The following DMXL1 variants were observed in gnomAD, a reference collection of about 807,000 sequenced individuals.
DMXL1 encodes Dmx like 1, also known as dmX-like protein 1.
A neutral mutation model predicts 319.2 loss-of-function variants in DMXL1; 99 were observed. The observed-to-expected ratio is 0.31, with a 90% confidence interval of 0.26 to 0.37. DMXL1 has a LOEUF of 0.37. DMXL1 is among the 10% of genes least tolerant of loss of function. The probability of loss-of-function intolerance (pLI) is 1.00; values close to 1 mark genes in which losing one functional copy is unlikely to be tolerated. For synonymous variants in DMXL1, 1,385 were observed against 1,235.2 expected, an observed-to-expected ratio of 1.12 and a Z score of -2.54; for missense variants, 3,745 against 3,595.6, an observed-to-expected ratio of 1.04 and a Z score of -1.06.
At chr5:119,189,464 C>A (rs1306526083) in intron 28 of DMXL1, among the ~76,000 whole-genome samples, 1 of 152,148 alleles carries the variant, frequency 6.6e-6, no homozygotes, top group Non-Finnish European at 1.5e-5. Context: ...CTATTTTTCA[C>A]ATACAATAGG....
chr5:119,095,057 G>C (rs1312738468), intron 1 of DMXL1, among the ~76,000 whole-genome samples: 1 of 151,972 alleles, frequency 6.6e-6, no homozygotes, highest in Non-Finnish European at 1.5e-5. Flanking sequence ...GTTTTGCCAT[G>C]TTGCCCAAGC....
At chr5:119,200,448 C>A (rs531433689) in intron 32 of DMXL1, among the ~76,000 whole-genome samples, 1 of 152,110 alleles carries the variant, frequency 6.6e-6, no homozygotes, top group Non-Finnish European at 1.5e-5. Flanking sequence ...TGTTTTTGTA[C>A]CAATACTGTT....
intron 4 of DMXL1, among the ~76,000 whole-genome samples, chr5:119,106,473 A>C (rs547872563): frequency 6.6e-6 from 1 of 152,308 alleles, no homozygotes; most frequent in South Asian, 2.1e-4. Context: ...AAAGCATAAG[A>C]TACATTATAA....
chr5:119,199,229 C>T (rs1348649624), intron 32 of DMXL1, among the ~76,000 whole-genome samples: 1 of 152,088 alleles, frequency 6.6e-6, no homozygotes, highest in East Asian at 1.9e-4. Context: ...CTCCCCACTT[C>T]CCCCTCAAGT....
At chr5:119,097,942 T>C in intron 1 of DMXL1, 37 bp from the exon 2 acceptor site, 1 of 1,530,162 alleles carries the variant, frequency 6.5e-7, no homozygotes, top group Non-Finnish European at 8.9e-7. Flanking sequence ...AATGTTTCCT[T>C]GACACTTTTA....
intron 38 of DMXL1, among the ~76,000 whole-genome samples, chr5:119,232,187 C>T (rs1010158884): frequency 4.6e-5 from 7 of 152,018 alleles, no homozygotes; most frequent in Non-Finnish European, 8.8e-5. Context: ...AAAAGTTGAG[C>T]GATTTTAGTG....
At chr5:119,163,395 A>G (rs1253040455) in intron 19 of DMXL1, among the ~76,000 whole-genome samples, 2 of 152,176 alleles carry the variant, frequency 1.3e-5, no homozygotes, top group African/African-American at 2.4e-5. Flanking sequence ...ATAGTCAACA[A>G]TAGAGCTGGA....
At chr5:119,242,119 A>T (rs1378522480) in intron 42 of DMXL1, among the ~76,000 whole-genome samples, 1 of 152,192 alleles carries the variant, frequency 6.6e-6, no homozygotes, top group African/African-American at 2.4e-5. Flanking sequence ...CATATGTTTT[A>T]TGCATTCATG....
chr5:119,189,540 T>A (rs1372297460), intron 28 of DMXL1, among the ~76,000 whole-genome samples, 168 bp from the exon 29 acceptor site: 1 of 152,214 alleles, frequency 6.6e-6, no homozygotes, highest in Admixed American at 6.5e-5. Context: ...ACAGAAATGA[T>A]TTTTGTCTTC....
chr5:119,224,681 C>T, intron 37 of DMXL1, 28 bp from the exon 38 acceptor site: 4 of 869,202 alleles, frequency 4.6e-6, no homozygotes, highest in Non-Finnish European at 3.4e-6. Flanking sequence ...TTTATTATGC[C>T]TATAAAATAA....
chr5:119,083,228 G>A (rs1752616049), intron 1 of DMXL1, among the ~76,000 whole-genome samples: 1 of 152,138 alleles, frequency 6.6e-6, no homozygotes, highest in Non-Finnish European at 1.5e-5. Context: ...GTTTCGCCAT[G>A]TTGACCAGGC....
intron 9 of DMXL1, among the ~76,000 whole-genome samples, chr5:119,128,632 C>A: frequency 6.6e-6 from 1 of 151,294 alleles, no homozygotes; most frequent in East Asian, 1.9e-4. Flanking sequence ...AGTGTAGATT[C>A]ATCAATTGTA....
chr5:119,127,937 A>G (rs1763967573), intron 9 of DMXL1: 57 of 375,068 alleles, frequency 1.5e-4, no homozygotes, highest in South Asian at 1.3e-3. Context: ...ACTTAGTATC[A>G]AATGGTTTAA....
intron 1 of DMXL1, among the ~76,000 whole-genome samples, chr5:119,094,898 T>C (rs1356334207): frequency 6.6e-6 from 1 of 151,514 alleles, no homozygotes; most frequent in African/African-American, 2.4e-5. Context: ...AAGGTCTCAC[T>C]CTGTTGCCTG....
chr5:119,199,613 C>T (rs1019434375), intron 32 of DMXL1, among the ~76,000 whole-genome samples: 1 of 152,152 alleles, frequency 6.6e-6, no homozygotes, highest in African/African-American at 2.4e-5. Flanking sequence ...AATGATAGTT[C>T]TGTTTTTAGC....
intron 9 of DMXL1, among the ~76,000 whole-genome samples, chr5:119,125,418 G>T (rs567318168): frequency 6.6e-6 from 1 of 152,250 alleles, no homozygotes; most frequent in East Asian, 1.9e-4. Flanking sequence ...ACTACCATAA[G>T]AAAGGTGCTA....
At chr5:119,210,757 G>GTTTTTTTTTTTTTTTTTTTTTCTTTTT in intron 34 of DMXL1, among the ~76,000 whole-genome samples, 12 of 89,776 alleles carry the variant, frequency 1.3e-4, no homozygotes, top group Non-Finnish European at 1.5e-4. Context: ...TTTTTCTTTC[G>GTTTTTTTTTTTTTTTTTTTTTCTTTTT]TTTTTTTTTT....
intron 1 of DMXL1, among the ~76,000 whole-genome samples, chr5:119,091,564 A>G (rs1041811027): frequency 6.6e-6 from 1 of 152,016 alleles, no homozygotes; most frequent in Admixed American, 6.6e-5. Context: ...TTAGTTATTT[A>G]TTCTAGTCTT....
At chr5:119,125,652 C>T (rs574476842) in intron 9 of DMXL1, among the ~76,000 whole-genome samples, 16 of 151,030 alleles carry the variant, frequency 1.1e-4, no homozygotes, top group African/African-American at 3.9e-4. Flanking sequence ...GCAAACTCCA[C>T]CTCCCGGGTT....
Sources: allele counts gnomAD v4.1 joint callset (sites outside exome capture counted in the v4.1 genomes callset), GRCh38; gene constraint gnomAD v4.1.1; transcripts MANE v1.5; gene names NCBI Gene and HGNC (gene_info 2026-07-23, HGNC 2026-07-21).